The following ARHGAP42 variants were observed in gnomAD, a reference collection of about 807,000 sequenced individuals.
The protein encoded by ARHGAP42 is Rho GTPase activating protein 42.
In ARHGAP42, 63 loss-of-function variants were observed where a neutral mutation model predicts 125.0. That is an observed-to-expected ratio of 0.50 (90% CI 0.41 to 0.62). The LOEUF is 0.62. Ranked by LOEUF, ARHGAP42 falls within the 20% of genes least tolerant of loss-of-function variation. The probability of loss-of-function intolerance (pLI) is 0.00; values close to 1 mark genes in which losing one functional copy is unlikely to be tolerated. For synonymous variants in ARHGAP42, 339 were observed against 351.0 expected (o/e 0.97, Z 0.38); for missense variants, 766 against 1,024.2 (o/e 0.75, Z 3.44).
chr11:100,700,849 A>G (rs73573308), intron 1 of ARHGAP42, among the ~76,000 whole-genome samples: 25,049 of 152,226 alleles, frequency 0.16, 2,163 homozygotes, highest in East Asian at 0.25. Flanking sequence ...ACCTCCTGTC[A>G]TGAATTACCA....
chr11:100,705,893 C>T (rs1165558416), intron 1 of ARHGAP42, among the ~76,000 whole-genome samples: 2 of 151,628 alleles, frequency 1.3e-5, no homozygotes, highest in Non-Finnish European at 2.9e-5. Context: ...GATGTGAGAG[C>T]TGTAGACCAT....
intron 1 of ARHGAP42, among the ~76,000 whole-genome samples, chr11:100,733,366 A>G (rs1861993859): frequency 6.7e-6 from 1 of 148,476 alleles, no homozygotes; most frequent in Non-Finnish European, 1.5e-5. Context: ...TTCACATGAC[A>G]AAGATTTTTT....
At position 100,992,915 on chromosome 11, in the gene ARHGAP42, A is replaced by T. The variant is rs1473380207; in HGVS notation, c.*4114A>T. On this transcript the variant is annotated 3_prime_UTR_variant, in exon 24 of 24. Transcript: ENST00000298815. ...ATCATTCCTTTTCCCCTTGGCACTC[A>T]TGAGAGAGATGCCAAGTTCAGTGTG... 2 of 512,172 alleles carry T rather than the reference A, an allele frequency of 3.9e-6. No individual in the cohort carries two copies. Among genetic ancestry groups the T allele is most frequent in the African/African-American group, 2.0e-5 (1 of 50,978 alleles). 31.7% of individuals were successfully genotyped at this position (512,172 alleles called of 1,614,324 possible).
chr11:100,758,343 A>G (rs1437146608), intron 1 of ARHGAP42, among the ~76,000 whole-genome samples: 1 of 152,176 alleles, frequency 6.6e-6, no homozygotes, highest in East Asian at 1.9e-4. Context: ...ACTTTTTTGA[A>G]GTTGTAGTAA....
At chr11:100,875,528 G>C (rs959354353) in intron 4 of ARHGAP42, among the ~76,000 whole-genome samples, 1 of 152,154 alleles carries the variant, frequency 6.6e-6, no homozygotes, top group African/African-American at 2.4e-5. Context: ...CACTGACACT[G>C]GGGGGAGGGT....
chr11:100,748,779 C>T lies in ARHGAP42; in HGVS notation c.155-21564C>T, dbSNP rs543467369. 6.3e-5 allele frequency among the ~76,000 whole-genome samples: 9 copies of T among 142,354 alleles called. No individual in the cohort carries two copies. The East Asian group carries it at 9.7e-4, about 15-fold the overall frequency. 93.4% of individuals were successfully genotyped at this position (142,354 alleles called of 152,430 possible). A position where few individuals can be genotyped will look rare whatever the true frequency, so the allele number is the denominator to read the frequency against. On this transcript the variant is annotated intron_variant, in intron 1 of 23. Coordinates refer to ENST00000298815, the MANE Select transcript of ARHGAP42 (RefSeq NM_152432.4). ...CAGTGGCCTCAGTGCTTTTGGGCTACGCCCTTGTTTACAGTGACAGCAAGG... is the reference window on the plus strand; with the variant it reads ...CAGTGGCCTCAGTGCTTTTGGGCTATGCCCTTGTTTACAGTGACAGCAAGG...
At chr11:100,834,307 G>T (rs1012056735) in intron 3 of ARHGAP42, among the ~76,000 whole-genome samples, 4 of 152,142 alleles carry the variant, frequency 2.6e-5, no homozygotes, top group Non-Finnish European at 5.9e-5. Flanking sequence ...TATACTCATA[G>T]CATTTCTTTT....
intron 3 of ARHGAP42, among the ~76,000 whole-genome samples, chr11:100,857,090 A>G (rs1477707962): frequency 6.6e-6 from 1 of 152,080 alleles, no homozygotes; most frequent in Admixed American, 6.6e-5. Context: ...GACGCATTAG[A>G]AACACTCAAG....
Position 100,992,184 on chromosome 11 carries a change from T to C in ARHGAP42, c.*3383T>C. 9.8e-7 allele frequency: 1 copy of C among 1,024,274 alleles called. No individual in the cohort carries two copies. Among genetic ancestry groups the C allele is most frequent in the Non-Finnish European group, 1.4e-6 (1 of 714,398 alleles). The allele number at this position is 1,024,274 out of a possible 1,614,324, so 63.4% of individuals were successfully genotyped here. On this transcript the variant is annotated 3_prime_UTR_variant, in exon 24 of 24. Coordinates refer to ENST00000298815, the MANE Select transcript of ARHGAP42 (RefSeq NM_152432.4). Reference sequence around the variant, plus strand: ...GATACCTTAAATCATGTATTCAGGATGCCTTCTTTAGCATTTAGAACCCCA... The same window carrying C: ...GATACCTTAAATCATGTATTCAGGACGCCTTCTTTAGCATTTAGAACCCCA...
intron 1 of ARHGAP42, among the ~76,000 whole-genome samples, chr11:100,769,712 CTTTTTTTTTTT>C (rs140626690): frequency 6.5e-4 from 51 of 78,094 alleles, no homozygotes; most frequent in African/African-American, 2.4e-3. Flanking sequence ...AGCATTCCTT[CTTTTTTTTTTT>C]TTTTTTTTTT....
intron 2 of ARHGAP42, among the ~76,000 whole-genome samples, chr11:100,787,273 G>A (rs892572030): frequency 2.7e-5 from 4 of 149,532 alleles, no homozygotes; most frequent in Non-Finnish European, 5.9e-5. Flanking sequence ...GTGAGACTCC[G>A]TCTCAAAAAA....
At chr11:100,763,543 A>AGTG (rs375175390) in intron 1 of ARHGAP42, among the ~76,000 whole-genome samples, 10 of 152,232 alleles carry the variant, frequency 6.6e-5, no homozygotes, top group African/African-American at 2.4e-4. Context: ...GCTGGAGTGC[A>AGTG]GTGGCATGAT....
rs186047854 is a variant in ARHGAP42 at position 100,776,247 on chromosome 11, T to C, written c.250+5809T>C. On this transcript the variant is annotated intron_variant, in intron 2 of 23. Transcript: ENST00000298815. ...ATTAATATGAGGCAAAGTTTATTCA[T>C]TCTATGTAATCTTGGAAACCATTGG... 5.1e-4 allele frequency among the ~76,000 whole-genome samples: 78 copies of C among 152,292 alleles called. No homozygotes were observed. The East Asian group carries it at 0.013, about 25-fold the overall frequency.
chr11:100,919,593 C>T (rs939371107), intron 5 of ARHGAP42, among the ~76,000 whole-genome samples: 91 of 152,078 alleles, frequency 6.0e-4, no homozygotes, highest in African/African-American at 2.2e-3. Context: ...ATGGAGACAG[C>T]ATCTCACTAG....
At chr11:100,864,542 C>T (rs1285812344) in intron 4 of ARHGAP42, among the ~76,000 whole-genome samples, 2 of 152,012 alleles carry the variant, frequency 1.3e-5, no homozygotes, top group East Asian at 1.9e-4. Context: ...TGTTTATAAA[C>T]ATACATACAC....
At position 100,988,763 on chromosome 11, in the gene ARHGAP42, A is replaced by G; in HGVS notation, c.2587A>G (p.Thr863Ala). ...GTTAAAGGCAACTTATGAAGGCAAA[A>G]CAGGACTAGTTCCAGAAAATTATGT... ...GWLKATYEGKTGLVPENYVVF... is the reference protein window; with the variant it reads ...GWLKATYEGKAGLVPENYVVF... The change falls in exon 24 of 24, where the codon ACA (threonine) becomes GCA (alanine). Residue 863 changes from threonine (T) to alanine (A), a missense_variant. Transcript: ENST00000298815. The G allele has an allele frequency of 6.4e-7, 1 of 1,550,470 alleles. No individual in the cohort carries two copies. The highest frequency in any genetic ancestry group is 8.7e-7 in the Non-Finnish European group (1 of 1,146,304).
chr11:100,865,890 T>G (rs1865557711), intron 4 of ARHGAP42, among the ~76,000 whole-genome samples: 1 of 152,152 alleles, frequency 6.6e-6, no homozygotes, highest in Admixed American at 6.5e-5. Context: ...AAGGCTGGGG[T>G]GGCTGTGGCG....
Position 100,771,891 on chromosome 11 carries a change from C to T in ARHGAP42, c.250+1453C>T, listed in dbSNP as rs187912808. On this transcript the variant is annotated intron_variant, in intron 2 of 23. Transcript: ENST00000298815. ...CTAGGATTACAGACGTGAGCCACTG[C>T]GCCCGGCTGGAAATCTTAATTGCAG... is the stretch of plus-strand genomic sequence containing the variant. Among the ~76,000 whole-genome samples, 739 of 152,182 alleles carry T rather than the reference C, an allele frequency of 4.9e-3. 8 individuals are homozygous for T. Among genetic ancestry groups the T allele is most frequent in the African/African-American group, 0.017 (692 of 41,514 alleles).
chr11:100,965,585 G>T, intron 16 of ARHGAP42, 86 bp from the exon 17 acceptor site: 1 of 1,080,068 alleles, frequency 9.3e-7, no homozygotes. Context: ...GGGTAGGAGT[G>T]GTAATTGTGA....
Sources: gnomAD v4.1 joint callset for allele counts (sites outside exome capture counted in the v4.1 genomes callset) on GRCh38, gnomAD v4.1.1 for gene constraint, MANE v1.5 for transcripts, NCBI Gene and HGNC (gene_info 2026-07-23, HGNC 2026-07-21) for gene names.